Variants in DCAF7 observed in about 807,000 individuals in gnomAD.
The protein encoded by DCAF7 is DDB1 and CUL4 associated factor 7.
In DCAF7, 4 loss-of-function variants were observed where a neutral mutation model predicts 41.2. The ratio of observed to expected loss-of-function variants is 0.10; its 90% CI spans 0.05 to 0.22. The LOEUF (loss-of-function observed/expected upper bound fraction) is 0.22. Ranked by LOEUF, DCAF7 falls within the 10% of genes least tolerant of loss-of-function variation. The probability of loss-of-function intolerance (pLI) is 1.00; values close to 1 mark genes in which losing one functional copy is unlikely to be tolerated. For missense variants in DCAF7, 131 were observed against 443.2 expected (o/e 0.30, Z 6.32); for synonymous variants, 143 against 164.2 (o/e 0.87, Z 0.99).
At chr17:63,553,231 G>A in intron 1 of DCAF7, among the ~76,000 whole-genome samples, 1 of 152,086 alleles carries the variant, frequency 6.6e-6, no homozygotes, top group East Asian at 1.9e-4. Context: ...TGGTGACAAG[G>A]GTAAACAGCA....
At chr17:63,571,683 A>G (rs781320890) in intron 1 of DCAF7, among the ~76,000 whole-genome samples, 4 of 152,134 alleles carry the variant, frequency 2.6e-5, no homozygotes, top group Non-Finnish European at 4.4e-5. Context: ...AATTTAAGTC[A>G]TTACCTCTTC....
At chr17:63,584,087 G>A (rs145094397) in intron 5 of DCAF7, among the ~76,000 whole-genome samples, 25 of 152,340 alleles carry the variant, frequency 1.6e-4, no homozygotes, top group African/African-American at 6.0e-4. Flanking sequence ...AAACCAAATC[G>A]TATGTGCCTA....
chr17:63,566,309 T>TA (rs2033440978), intron 1 of DCAF7, among the ~76,000 whole-genome samples: 1 of 151,542 alleles, frequency 6.6e-6, no homozygotes, highest in East Asian at 1.9e-4. Context: ...AGGCGGAACT[T>TA]AGAGTGAGCA....
intron 6 of DCAF7, among the ~76,000 whole-genome samples, chr17:63,586,689 G>T (rs971760789): frequency 2.6e-5 from 4 of 151,922 alleles, no homozygotes; most frequent in African/African-American, 9.7e-5. Flanking sequence ...TTGAACCTGG[G>T]AGGTGGAGGT....
chr17:63,589,312 A>G lies in DCAF7; in HGVS notation c.*140A>G. On this transcript the variant is annotated 3_prime_UTR_variant, in exon 7 of 7. Transcript: ENST00000614556. ...ACCCACTGTTACCAGAAGCTGCTCT[A>G]GGAGTTCCTGGCCAGTCACCCCATC... The G allele has an allele frequency of 8.3e-7, 1 of 1,200,556 alleles. No individual in the cohort carries two copies. The allele number at this position is 1,200,556 out of a possible 1,614,324, so 74.4% of individuals were successfully genotyped here.
At position 63,551,950 on chromosome 17, in the gene DCAF7, C is replaced by CGCCTGTA. The variant is rs2033262010; in HGVS notation, c.138+1137_138+1143dup. ...AAAAAAAGCCGGGCGTAGCTTAGTGCGCCTGTAGTCCCAGCTACTCGGAAG... is the reference window on the plus strand; with the variant it reads ...AAAAAAAGCCGGGCGTAGCTTAGTGCGCCTGTAGCCTGTAGTCCCAGCTACTCGGAAG... On this transcript the variant is annotated intron_variant, in intron 1 of 6. Coordinates refer to ENST00000614556, the MANE Select transcript of DCAF7 (RefSeq NM_005828.5). Among the ~76,000 whole-genome samples the CGCCTGTA allele has an allele frequency of 2.3e-5, 3 of 133,244 alleles. No homozygotes were observed. In the East Asian group the frequency reaches 6.7e-4, roughly 30 times the overall value. 87.4% of individuals were successfully genotyped at this position (133,244 alleles called of 152,430 possible).
chr17:63,582,561 C>T (rs751540016), intron 4 of DCAF7, among the ~76,000 whole-genome samples: 4 of 152,126 alleles, frequency 2.6e-5, no homozygotes, highest in South Asian at 2.1e-4. Context: ...CTCCGCCTCC[C>T]GGGTTCAAGC....
intron 4 of DCAF7, among the ~76,000 whole-genome samples, chr17:63,582,455 C>A (rs1460821379): frequency 6.6e-6 from 1 of 150,798 alleles, no homozygotes; most frequent in Non-Finnish European, 1.5e-5. Flanking sequence ...GCTCTCTCTT[C>A]GTCCCTCTTC....
chr17:63,580,735 G>A (rs370619256), intron 4 of DCAF7, among the ~76,000 whole-genome samples: 12 of 152,098 alleles, frequency 7.9e-5, no homozygotes, highest in African/African-American at 2.9e-4. Context: ...GGCCAGGATT[G>A]TCTCGAACTC....
chr17:63,592,950 C>G lies in DCAF7; in HGVS notation c.*3778C>G, dbSNP rs2033749537. ...CCCCTTGCTTTTCCACTGTTTCTTC[C>G]TGCTGCCACCTGGGCCTTGAATTCC... On this transcript the variant is annotated 3_prime_UTR_variant, in exon 7 of 7. Transcript: ENST00000614556. 1 of 153,052 alleles carries G rather than the reference C, an allele frequency of 6.5e-6. No individual in the cohort carries two copies. Among genetic ancestry groups the G allele is most frequent in the African/African-American group, 2.4e-5 (1 of 41,458 alleles). The allele number at this position is 153,052 out of a possible 1,614,324, so 9.5% of individuals were successfully genotyped here.
intron 1 of DCAF7, among the ~76,000 whole-genome samples, chr17:63,578,206 T>A (rs2033583553): frequency 1.3e-5 from 2 of 151,832 alleles, no homozygotes; most frequent in Admixed American, 1.3e-4. Context: ...CTACAAAAAA[T>A]GAACAAAATT....
In DCAF7 at chr17:63,592,197, T is replaced by C. The variant is rs1311394451; in HGVS notation, c.*3025T>C. The C allele has an allele frequency of 6.6e-6, 1 of 152,100 alleles. No homozygotes were observed. The highest frequency in any genetic ancestry group is 1.9e-4 in the East Asian group (1 of 5,184). The allele number at this position is 152,100 out of a possible 1,614,324, so 9.4% of individuals were successfully genotyped here. A position where few individuals can be genotyped will look rare whatever the true frequency, so the allele number is the denominator to read the frequency against. Reference sequence around the variant, plus strand: ...GTGGCCAGATCCCAAGGTCAGAAGATCGAGACCATCCTGGCTAACATGGTG... The same window carrying C: ...GTGGCCAGATCCCAAGGTCAGAAGACCGAGACCATCCTGGCTAACATGGTG... On this transcript the variant is annotated 3_prime_UTR_variant, in exon 7 of 7. Coordinates refer to ENST00000614556, the MANE Select transcript of DCAF7 (RefSeq NM_005828.5).
intron 1 of DCAF7, among the ~76,000 whole-genome samples, chr17:63,576,778 G>A (rs188795240): frequency 6.6e-6 from 1 of 152,280 alleles, no homozygotes; most frequent in Non-Finnish European, 1.5e-5. Flanking sequence ...GCTGGGTGTG[G>A]TGGCACATGC....
In DCAF7 at chr17:63,550,685, TGCACG is replaced by T. The variant is rs1196574235; in HGVS notation, c.12_16del (p.His4GlnfsTer9). ...TGCGGCCCCGTGGCCACCATGTCCC[TGCACG>T]GCAAACGGAAGGAGATCTACAAGTA... On this transcript the variant is annotated frameshift_variant, in exon 1 of 7. Transcript: ENST00000614556. LOFTEE classifies it high-confidence loss of function. This position sits in a 1 kb window ranked among gnomAD's most constrained non-coding sequence, Gnocchi z 4.8. 6.2e-7 allele frequency: 1 copy of T among 1,612,946 alleles called. No homozygotes were observed. The highest frequency in any genetic ancestry group is 8.5e-7 in the Non-Finnish European group (1 of 1,179,622).
chr17:63,559,399 G>GCA (rs2033352163), intron 1 of DCAF7, among the ~76,000 whole-genome samples: 1 of 88,100 alleles, frequency 1.1e-5, no homozygotes, highest in South Asian at 3.5e-4. Flanking sequence ...ATATATATAT[G>GCA]TATATATATG....
chr17:63,551,650 T>C (rs993049881), intron 1 of DCAF7, among the ~76,000 whole-genome samples: 7 of 152,054 alleles, frequency 4.6e-5, no homozygotes, highest in African/African-American at 1.7e-4. Flanking sequence ...TTTCTTCCTT[T>C]TACTCAAAGT....
intron 1 of DCAF7, among the ~76,000 whole-genome samples, chr17:63,564,161 A>G (rs919255706): frequency 6.6e-6 from 1 of 151,320 alleles, no homozygotes; most frequent in Admixed American, 6.6e-5. Flanking sequence ...ACACACACAC[A>G]CATACACATA....
chr17:63,571,941 A>G (rs2033511256), intron 1 of DCAF7, among the ~76,000 whole-genome samples: 1 of 151,896 alleles, frequency 6.6e-6, no homozygotes, highest in Non-Finnish European at 1.5e-5. Context: ...TTGGAAAACC[A>G]TTGCTGTAGG....
At chr17:63,568,366 T>G (rs2033467800) in intron 1 of DCAF7, among the ~76,000 whole-genome samples, 1 of 152,146 alleles carries the variant, frequency 6.6e-6, no homozygotes, top group Non-Finnish European at 1.5e-5. Flanking sequence ...CAGAGAAGCT[T>G]TGCATTTTAT....
Sources: gnomAD v4.1 joint callset for allele counts (sites outside exome capture counted in the v4.1 genomes callset) on GRCh38, gnomAD v4.1.1 for gene constraint, Gnocchi (gnomAD v3.1) non-coding constraint, MANE v1.5 for transcripts, NCBI Gene and HGNC (gene_info 2026-07-23, HGNC 2026-07-21) for gene names.